Variants in FRMD4B observed in about 807,000 individuals in gnomAD.
FRMD4B encodes FERM domain-containing protein 4B.
FRMD4B carries 74 observed loss-of-function variants against 141.5 expected under a neutral mutation model. That is an observed-to-expected ratio of 0.52 (90% CI 0.43 to 0.63). The LOEUF (loss-of-function observed/expected upper bound fraction) is 0.63. Ranked by LOEUF, FRMD4B falls within the 30% of genes least tolerant of loss-of-function variation. FRMD4B has a pLI of 0.00. For missense variants in FRMD4B, 1,366 were observed against 1,253.4 expected, an observed-to-expected ratio of 1.09 and a Z score of -1.36; for synonymous variants, 506 against 467.9, an observed-to-expected ratio of 1.08 and a Z score of -1.05.
At chr3:69,496,661 G>GAGAC (rs2107045734) in intron 1 of FRMD4B, among the ~76,000 whole-genome samples, 1 of 149,950 alleles carries the variant, frequency 6.7e-6, no homozygotes, top group African/African-American at 2.4e-5. Flanking sequence ...GAGAGAGAGA[G>GAGAC]AGAGAGAGAG....
intron 1 of FRMD4B, among the ~76,000 whole-genome samples, chr3:69,335,754 G>C (rs1438441141): frequency 1.1e-5 from 1 of 91,324 alleles, no homozygotes; most frequent in Admixed American, 1.2e-4. Flanking sequence ...TTTTTCTTTT[G>C]AGACAGAGTC....
intron 1 of FRMD4B, among the ~76,000 whole-genome samples, chr3:69,490,013 A>T (rs1409247792): frequency 1.3e-5 from 2 of 152,222 alleles, no homozygotes; most frequent in Non-Finnish European, 2.9e-5. Context: ...AAATGTCCAG[A>T]ATAGGCAATC....
At position 69,398,073 on chromosome 3, in the gene FRMD4B, T is replaced by A. The variant is rs926589133; in HGVS notation, c.-1+34561A>T. Reference sequence around the variant, plus strand: ...AGGTAAAAATCAGAGCAGAAAAAAATACTGTACATGAGCTCAGTTATAAAA... The same window carrying A: ...AGGTAAAAATCAGAGCAGAAAAAAAAACTGTACATGAGCTCAGTTATAAAA... On this transcript the variant is annotated intron_variant, in intron 2 of 5. Transcript: ENST00000459638. Among the ~76,000 whole-genome samples the A allele has an allele frequency of 5.3e-5, 8 of 152,170 alleles. No homozygotes were observed. The South Asian group carries it at 1.7e-3, about 32-fold the overall frequency.
chr3:69,507,055 T>C (rs958166786), intron 1 of FRMD4B, among the ~76,000 whole-genome samples: 1 of 152,144 alleles, frequency 6.6e-6, no homozygotes, highest in Admixed American at 6.5e-5. Flanking sequence ...GATTCTAATA[T>C]AGGGATGTGT....
At chr3:69,517,885 A>G (rs1383920377) in intron 1 of FRMD4B, among the ~76,000 whole-genome samples, 2 of 152,192 alleles carry the variant, frequency 1.3e-5, no homozygotes, top group African/African-American at 4.8e-5. Context: ...TTAAGTGTCC[A>G]TGAACATCAC....
At chr3:69,529,357 T>G (rs1039636319) in intron 1 of FRMD4B, among the ~76,000 whole-genome samples, 2 of 152,208 alleles carry the variant, frequency 1.3e-5, no homozygotes, top group African/African-American at 2.4e-5. Flanking sequence ...GAATGTAGCC[T>G]ATGGGCCATT....
At chr3:69,241,631 C>T (rs1575648085) in intron 7 of FRMD4B, among the ~76,000 whole-genome samples, 1 of 152,102 alleles carries the variant, frequency 6.6e-6, no homozygotes, top group South Asian at 2.1e-4. Context: ...TGCAGTCGCT[C>T]ACACCTGTAA....
intron 2 of FRMD4B, among the ~76,000 whole-genome samples, chr3:69,399,866 C>G (rs1180789428): frequency 6.6e-6 from 1 of 152,174 alleles, no homozygotes; most frequent in Non-Finnish European, 1.5e-5. Context: ...GGTGCAGGGA[C>G]CATGCCTGTC....
chr3:69,229,027 T>G (rs1319666066), intron 7 of FRMD4B, among the ~76,000 whole-genome samples: 1 of 149,828 alleles, frequency 6.7e-6, no homozygotes, highest in Admixed American at 6.7e-5. Flanking sequence ...TTTTTTTTTT[T>G]TTTTTGTTTT....
chr3:69,183,467 GAAGTT>G (rs970976961), intron 19 of FRMD4B, among the ~76,000 whole-genome samples: 5 of 145,372 alleles, frequency 3.4e-5, no homozygotes, highest in Admixed American at 6.8e-5. Flanking sequence ...AACACAATTA[GAAGTT>G]AATTTTTTTT....
At chr3:69,423,767 C>T (rs917993128) in intron 2 of FRMD4B, among the ~76,000 whole-genome samples, 4 of 152,022 alleles carry the variant, frequency 2.6e-5, no homozygotes, top group Non-Finnish European at 4.4e-5. Context: ...TGAGAAGGTG[C>T]CATTTATGAA....
intron 1 of FRMD4B, among the ~76,000 whole-genome samples, chr3:69,459,396 A>G (rs1185657349): frequency 6.6e-6 from 1 of 152,236 alleles, no homozygotes; most frequent in Non-Finnish European, 1.5e-5. Flanking sequence ...GACTCACTAC[A>G]GCTCATTTTA....
intron 3 of FRMD4B, among the ~76,000 whole-genome samples, chr3:69,307,199 AGT>A (rs932400128): frequency 8.5e-5 from 13 of 152,086 alleles, no homozygotes; most frequent in African/African-American, 2.9e-4. Context: ...CCATGACTAT[AGT>A]TACCTCCTTT....
intron 1 of FRMD4B, among the ~76,000 whole-genome samples, chr3:69,518,116 T>C (rs780497880): frequency 5.3e-5 from 8 of 152,136 alleles, no homozygotes; most frequent in Non-Finnish European, 8.8e-5. Context: ...CCCTAGCAAA[T>C]AGGAGACTTT....
At chr3:69,336,895 G>T (rs1702575972) in intron 1 of FRMD4B, among the ~76,000 whole-genome samples, 1 of 152,202 alleles carries the variant, frequency 6.6e-6, no homozygotes, top group South Asian at 2.1e-4. Context: ...AGTGAGCCAA[G>T]ATCATGCCAC....
At chr3:69,265,204 G>C (rs1285922941) in intron 5 of FRMD4B, among the ~76,000 whole-genome samples, 1 of 131,358 alleles carries the variant, frequency 7.6e-6, no homozygotes, top group Non-Finnish European at 1.6e-5. Flanking sequence ...GCAGTGAGCC[G>C]AGATTGCGCC....
chr3:69,506,842 A>T (rs2107084032), intron 1 of FRMD4B, among the ~76,000 whole-genome samples: 1 of 152,234 alleles, frequency 6.6e-6, no homozygotes, highest in East Asian at 1.9e-4. Context: ...AGTACCTGGC[A>T]TCCTACTGTT....
chr3:69,288,262 G>C (rs1036523631), intron 4 of FRMD4B, among the ~76,000 whole-genome samples: 4 of 152,238 alleles, frequency 2.6e-5, no homozygotes, highest in African/African-American at 9.6e-5. Context: ...CCTGCTTGAG[G>C]CTCGGGGGTT....
chr3:69,382,392 C>T (rs1054888249), intron 1 of FRMD4B, among the ~76,000 whole-genome samples: 6 of 152,212 alleles, frequency 3.9e-5, no homozygotes, highest in African/African-American at 9.6e-5. Flanking sequence ...CCACGCTGGT[C>T]TTGAACTCCT....
Sources: gnomAD v4.1 joint callset for allele counts (sites outside exome capture counted in the v4.1 genomes callset) on GRCh38, gnomAD v4.1.1 for gene constraint, MANE v1.5 for transcripts, NCBI Gene and HGNC (gene_info 2026-07-23, HGNC 2026-07-21) for gene names.